PLEKHA5: variants seen among roughly 807,000 people sequenced by gnomAD.
The protein encoded by PLEKHA5 is pleckstrin homology domain containing A5, also known as pleckstrin homology domain-containing family A member 5.
In PLEKHA5, 55 loss-of-function variants were observed where a neutral mutation model predicts 181.9. The observed-to-expected ratio is 0.30, with a 90% CI of 0.24 to 0.38. The LOEUF (loss-of-function observed/expected upper bound fraction) is 0.38, where lower values mean the gene tolerates loss of function less well. Among genes scored for constraint, PLEKHA5 ranks in the 10% least tolerant of loss-of-function variants. PLEKHA5 has a pLI of 1.00. For missense variants in PLEKHA5, 1,432 were observed against 1,549.5 expected, an observed-to-expected ratio of 0.92 and a Z score of 1.27; for synonymous variants, 535 against 529.4, an observed-to-expected ratio of 1.01 and a Z score of -0.15.
chr12:19,354,010 A>G lies in PLEKHA5; in HGVS notation c.3138+8A>G. On this transcript the variant is annotated splice_region_variant and intron_variant, in intron 26 of 31. Coordinates refer to ENST00000429027, the MANE Select transcript of PLEKHA5 (RefSeq NM_001256470.2). ...ATGATGGATCTAAGAACGGTATTTA[A>G]CTGGAAATTAATCTTCTAGGAAGAT... 7.8e-7 allele frequency: 1 copy of G among 1,290,124 alleles called. No individual in the cohort carries two copies. The highest frequency in any genetic ancestry group is 1.1e-6 in the Non-Finnish European group (1 of 889,316). The allele number at this position is 1,290,124 out of a possible 1,614,324, so 79.9% of individuals were successfully genotyped here. A position where few individuals can be genotyped will look rare whatever the true frequency, so the allele number is the denominator to read the frequency against.
At chr12:19,219,820 G>A (rs1458239738) in intron 3 of PLEKHA5, among the ~76,000 whole-genome samples, 1 of 152,068 alleles carries the variant, frequency 6.6e-6, no homozygotes, top group East Asian at 1.9e-4. Flanking sequence ...TGGTTTTGGT[G>A]TGGGTATGGA....
chr12:19,219,041 C>A (rs2058513297), intron 3 of PLEKHA5, among the ~76,000 whole-genome samples: 1 of 151,098 alleles, frequency 6.6e-6, no homozygotes, highest in Non-Finnish European at 1.5e-5. Flanking sequence ...TACAGTTGAC[C>A]CTTGAACAAC....
At chr12:19,263,975 G>T (rs1030118540) in intron 7 of PLEKHA5, among the ~76,000 whole-genome samples, 7 of 152,136 alleles carry the variant, frequency 4.6e-5, no homozygotes, top group African/African-American at 1.4e-4. Flanking sequence ...CTTCCATCAG[G>T]CTTGATATAG....
chr12:19,359,843 G>T (rs1261117364), intron 28 of PLEKHA5, among the ~76,000 whole-genome samples: 1 of 151,828 alleles, frequency 6.6e-6, no homozygotes, highest in African/African-American at 2.4e-5. Flanking sequence ...GCAGGCTCCT[G>T]TAGTCCCAGC....
rs548385169 is a variant in PLEKHA5, at chr12:19,140,009, A to C, written c.227+7559A>C. Among the ~76,000 whole-genome samples, 26 of 152,348 alleles carry C rather than the reference A, an allele frequency of 1.7e-4. No homozygotes were observed. In the South Asian group the frequency reaches 4.6e-3, roughly 27 times the overall value. On this transcript the variant is annotated intron_variant, in intron 3 of 31. Transcript: ENST00000429027. ...GTTTAGCCAACTGATTTTAATGATT[A>C]TCTCAGTCCCAGTGGCAAGGTCTTC...
In PLEKHA5 at chr12:19,165,023, C is replaced by T. The variant is rs73343084; in HGVS notation, c.227+32573C>T. Among the ~76,000 whole-genome samples the T allele has an allele frequency of 2.9e-3, 446 of 152,208 alleles. 4 individuals are homozygous for T. Among genetic ancestry groups the T allele is most frequent in the African/African-American group, 0.01 (430 of 41,510 alleles). ...CTAACCTGGACAAAGCTCACCAAAC[C>T]AACTAACCTCCCCAAAATAAAACAG... is the stretch of plus-strand genomic sequence containing the variant. On this transcript the variant is annotated intron_variant, in intron 3 of 31. Transcript: ENST00000429027.
At chr12:19,373,375 T>C (rs2153345206) in intron 31 of PLEKHA5, 1 of 141,390 alleles carries the variant, frequency 7.1e-6, no homozygotes, top group African/African-American at 2.7e-5. Context: ...AACAAGACTT[T>C]GTCTCAAAAA....
intron 22 of PLEKHA5, 122 bp from the exon 23 acceptor site, chr12:19,345,720 G>A (rs373916486): frequency 6.2e-5 from 31 of 497,430 alleles, no homozygotes; most frequent in African/African-American, 5.3e-4. Flanking sequence ...CTGAGATCAC[G>A]CCACTACACT....
intron 21 of PLEKHA5, among the ~76,000 whole-genome samples, chr12:19,339,061 A>G (rs917931614): frequency 6.7e-6 from 1 of 149,744 alleles, no homozygotes; most frequent in African/African-American, 2.5e-5. Flanking sequence ...TTTTTTTGAG[A>G]CAGAGTTTCA....
At chr12:19,200,298 A>C in intron 3 of PLEKHA5, 1 of 1,510,406 alleles carries the variant, frequency 6.6e-7, no homozygotes, top group Non-Finnish European at 8.9e-7. Flanking sequence ...ACATTAAAAC[A>C]ATTTTTTTTA....
At chr12:19,133,930 A>G (rs1275834786) in intron 3 of PLEKHA5, among the ~76,000 whole-genome samples, 3 of 152,024 alleles carry the variant, frequency 2.0e-5, no homozygotes, top group African/African-American at 2.4e-5. Flanking sequence ...TTGTCAAGCT[A>G]GTAGTATGGT....
rs117092286 is a variant in PLEKHA5 at position 19,341,437 on chromosome 12, G to A, written c.2551-1886G>A. Among the ~76,000 whole-genome samples, 65 of 152,120 alleles carry A rather than the reference G, an allele frequency of 4.3e-4. No individual in the cohort carries two copies. In the East Asian group the frequency reaches 0.011, roughly 26 times the overall value. Reference sequence around the variant, plus strand: ...AAATTTTATGAAAGTAATACATGTTGTATATAGATGTGCAAGGATCTGTTA... The same window carrying A: ...AAATTTTATGAAAGTAATACATGTTATATATAGATGTGCAAGGATCTGTTA... On this transcript the variant is annotated intron_variant, in intron 21 of 31. Transcript: ENST00000429027.
rs962597052 is a variant in PLEKHA5 at position 19,138,456 on chromosome 12, C to T, written c.227+6006C>T. Among the ~76,000 whole-genome samples the T allele has an allele frequency of 3.3e-5, 5 of 151,806 alleles. No individual in the cohort carries two copies. In the East Asian group the frequency reaches 5.8e-4, roughly 18 times the overall value. ...GGTGTGGTGGCGGGCTCCTGTAGTCCCAGCTACTCGGGAGGCTGAGGCAGG... is the reference window on the plus strand; with the variant it reads ...GGTGTGGTGGCGGGCTCCTGTAGTCTCAGCTACTCGGGAGGCTGAGGCAGG... On this transcript the variant is annotated intron_variant, in intron 3 of 31. Coordinates refer to ENST00000429027, the MANE Select transcript of PLEKHA5 (RefSeq NM_001256470.2).
At chr12:19,284,933 A>C (rs1486803152) in intron 12 of PLEKHA5, among the ~76,000 whole-genome samples, 2 of 152,228 alleles carry the variant, frequency 1.3e-5, no homozygotes, top group Non-Finnish European at 2.9e-5. Context: ...ACTCTGACTC[A>C]AAAAATAGTA....
At chr12:19,223,446 A>C (rs536507661) in intron 3 of PLEKHA5, among the ~76,000 whole-genome samples, 1 of 152,272 alleles carries the variant, frequency 6.6e-6, no homozygotes, top group South Asian at 2.1e-4. Context: ...TTAGAACACC[A>C]GTAACTTATC....
intron 20 of PLEKHA5, among the ~76,000 whole-genome samples, chr12:19,335,122 G>C (rs2093317138): frequency 7.1e-6 from 1 of 141,770 alleles, no homozygotes; most frequent in Admixed American, 7.2e-5. Context: ...CTCCGCCTCT[G>C]GGCTCAAGCA....
At chr12:19,364,090 T>G (rs2095347028) in intron 29 of PLEKHA5, among the ~76,000 whole-genome samples, 1 of 152,214 alleles carries the variant, frequency 6.6e-6, no homozygotes, top group Non-Finnish European at 1.5e-5. Flanking sequence ...GAATCAACTT[T>G]TAATTCCAAA....
chr12:19,340,027 G>A (rs1229919622), intron 21 of PLEKHA5, among the ~76,000 whole-genome samples: 1 of 150,848 alleles, frequency 6.6e-6, no homozygotes, highest in Admixed American at 6.6e-5. Context: ...CCACAAAGCA[G>A]AGAGAGAAAG....
At chr12:19,172,203 A>G (rs1459318968) in intron 3 of PLEKHA5, among the ~76,000 whole-genome samples, 1 of 152,242 alleles carries the variant, frequency 6.6e-6, no homozygotes, top group Non-Finnish European at 1.5e-5. Context: ...AGGTTTGTTT[A>G]CATCAGCATC....
Sources: gnomAD v4.1 joint callset for allele counts (sites outside exome capture counted in the v4.1 genomes callset) on GRCh38, gnomAD v4.1.1 for gene constraint, MANE v1.5 for transcripts, NCBI Gene and HGNC (gene_info 2026-07-23, HGNC 2026-07-21) for gene names.